Variants in SLC30A1 observed in about 807,000 individuals in gnomAD.
SLC30A1 encodes proton-coupled zinc antiporter SLC30A1.
Under a neutral mutation model 29.8 loss-of-function variants are expected in SLC30A1, and 7 were observed. The observed-to-expected ratio is 0.23, with a 90% CI of 0.13 to 0.44. SLC30A1 has a LOEUF of 0.44. SLC30A1 is among the 20% of genes least tolerant of loss of function. The pLI is 1.00. For synonymous variants in SLC30A1, 254 were observed against 253.5 expected (o/e 1.00, Z -0.02); for missense variants, 446 against 647.9 (o/e 0.69, Z 3.38).
Position 211,575,193 on chromosome 1 carries a change from C to G in SLC30A1, c.*195G>C, listed in dbSNP as rs910903525. 3.6e-6 allele frequency: 2 copies of G among 555,694 alleles called. No individual in the cohort carries two copies. Among genetic ancestry groups the G allele is most frequent in the East Asian group, 5.9e-5 (2 of 33,662 alleles). 34.4% of individuals were successfully genotyped at this position (555,694 alleles called of 1,614,324 possible). A position where few individuals can be genotyped will look rare whatever the true frequency, so the allele number is the denominator to read the frequency against. On this transcript the variant is annotated 3_prime_UTR_variant, in exon 2 of 2. Coordinates refer to ENST00000367001, the MANE Select transcript of SLC30A1 (RefSeq NM_021194.3). This position sits in a 1 kb window ranked among gnomAD's most constrained non-coding sequence, Gnocchi z 6.0. ...CCAAAACAGTCACAGCATAGCTGTACTCTGTACTAATAATCACAAAATTGT... is the reference window on the plus strand; with the variant it reads ...CCAAAACAGTCACAGCATAGCTGTAGTCTGTACTAATAATCACAAAATTGT...
At position 211,575,935 on chromosome 1, in the gene SLC30A1, C is replaced by A. The variant is rs1378859250; in HGVS notation, c.977G>T (p.Cys326Phe). The A allele has an allele frequency of 6.2e-7, 1 of 1,612,848 alleles. No homozygotes were observed. The highest frequency in any genetic ancestry group is 8.5e-7 in the Non-Finnish European group (1 of 1,179,354). Reference sequence around the variant, plus strand: ...TGGATAGGTTGTGTAAAGAAGTATACAAACCATTACAACACAAAGAGTTGG... The same window carrying A: ...TGGATAGGTTGTGTAAAGAAGTATAAAAACCATTACAACACAAAGAGTTGG... ...LDPTLCVVMV[C>F]ILLYTTYPLL... The change falls in exon 2 of 2, where the codon TGT becomes TTT. Residue 326 changes from cysteine (C) to phenylalanine (F), a missense_variant. Cys to Phe is a radical substitution (Grantham distance 205). Transcript: ENST00000367001. This position sits in a 1 kb window ranked among gnomAD's most constrained non-coding sequence, Gnocchi z 6.0.
Position 211,578,187 on chromosome 1 carries a change from C to G in SLC30A1, c.426G>C (p.Gln142His). The change falls in exon 1 of 2, where the codon CAG becomes CAC. Residue 142 changes from glutamine to histidine, a missense_variant. By Grantham distance (24) the Gln-to-His change is conservative. This residue lies in a region of SLC30A1 where 159 missense variants were observed against 161.1 expected (regional missense o/e 0.99). Transcript: ENST00000367001. The part of the protein sequence containing the change: ...CLFHHHSGFS[Q>H]DSGHGHSHGG... ...CGTGCGAGTGGCCGTGGCCGGAGTC[C>G]TGGCTGAAGCCGCTGTGATGGTGGA... 6.2e-7 allele frequency: 1 copy of G among 1,609,924 alleles called. No individual in the cohort carries two copies. The highest frequency in any genetic ancestry group is 1.3e-5 in the African/African-American group (1 of 75,022).
Position 211,578,256 on chromosome 1 carries a change from G to A in SLC30A1, c.357C>T (p.Val119=). 6.2e-7 allele frequency: 1 copy of A among 1,612,220 alleles called. No individual in the cohort carries two copies. The highest frequency in any genetic ancestry group is 8.5e-7 in the Non-Finnish European group (1 of 1,179,524). ...EMQQPLVVLG[V]GVAGLLVNVL... ...CGTTGACCAGCAGCCCGGCCACGCC[G>A]ACCCCAAGGACCACCAGCGGCTGCT... The change falls in exon 1 of 2, where the codon GTC becomes GTT. Residue 119 remains valine, a synonymous_variant. Coordinates refer to ENST00000367001, the MANE Select transcript of SLC30A1 (RefSeq NM_021194.3).
chr1:211,578,162 C>A lies in SLC30A1; in HGVS notation c.451G>T (p.Gly151Trp), dbSNP rs777691030. The A allele has an allele frequency of 1.2e-6, 2 of 1,608,478 alleles. No homozygotes were observed. The highest frequency in any genetic ancestry group is 2.2e-5 in the South Asian group (2 of 90,448). ...AGGCCGTGGCCGTGGCCGTGACCCC[C>A]GTGCGAGTGGCCGTGGCCGGAGTCC... ...SQDSGHGHSH[G>W]GHGHGHGLPK... is the part of the protein sequence containing the mutation. Residue 151 changes from glycine (G) to tryptophan (W), a missense_variant, in exon 1 of 2, where the codon GGG (glycine) becomes TGG (tryptophan). By Grantham distance (184) the Gly-to-Trp change is radical. Transcript: ENST00000367001.
rs766902379 is a variant in SLC30A1 at position 211,578,241 on chromosome 1, C to A, written c.372G>T (p.Leu124=). The A allele has an allele frequency of 1.9e-6, 3 of 1,611,950 alleles. No individual in the cohort carries two copies. In the South Asian group the frequency reaches 3.3e-5, roughly 18 times the overall value. Residue 124 remains leucine (L), a synonymous_variant, in exon 1 of 2, where the codon CTG becomes CTT. Transcript: ENST00000367001. ...GGCAGAGCCCCAGCACGTTGACCAGCAGCCCGGCCACGCCGACCCCAAGGA... is the reference window on the plus strand; with the variant it reads ...GGCAGAGCCCCAGCACGTTGACCAGAAGCCCGGCCACGCCGACCCCAAGGA... ...LVVLGVGVAG[L]LVNVLGLCLF... is the part of the protein sequence containing the mutation.
rs373955261 is a variant in SLC30A1, at chr1:211,578,086, T to A, written c.527A>T (p.Asn176Ile). 8.1e-6 allele frequency: 13 copies of A among 1,612,112 alleles called. No individual in the cohort carries two copies. In the Admixed American group the frequency reaches 2.0e-4, roughly 25 times the overall value. The change falls in exon 1 of 2, where the codon AAC becomes ATC. Residue 176 changes from asparagine to isoleucine, a missense_variant. Physicochemically the swap from Asn to Ile is moderately radical, Grantham distance 149. Coordinates refer to ENST00000367001, the MANE Select transcript of SLC30A1 (RefSeq NM_021194.3). ...KSTRPGSSDI[N>I]VAPGEQGPDQ... ...GGGACCCTGCTCGCCCGGGGCCACG[T>A]TGATGTCGCTGCTCCCGGGGCGGGT...
rs747408371 is a variant in SLC30A1 at position 211,577,947 on chromosome 1, C to A, written c.622+44G>T. 2 of 1,607,644 alleles carry A rather than the reference C, an allele frequency of 1.2e-6. No homozygotes were observed. Among genetic ancestry groups the A allele is most frequent in the East Asian group, 2.2e-5 (1 of 44,806 alleles). ...GCCGAAGGCCAGGCGAGGCTCTGGG[C>A]ACCCCAAACCCAACCACCTGCGGCA... On this transcript the variant is annotated intron_variant, in intron 1 of 1. Coordinates refer to ENST00000367001, the MANE Select transcript of SLC30A1 (RefSeq NM_021194.3). This position sits in a 1 kb window ranked among gnomAD's most constrained non-coding sequence, Gnocchi z 4.5.
rs1341547889 is a variant in SLC30A1, at chr1:211,578,115, C to A, written c.498G>T (p.Lys166Asn). Reference protein sequence around the residue: ...GHGLPKGPRVKSTRPGSSDIN... With the variant: ...GHGLPKGPRVNSTRPGSSDIN... Reference sequence around the variant, plus strand: ...TGTCGCTGCTCCCGGGGCGGGTGCTCTTAACGCGAGGCCCCTTGGGGAGGC... The same window carrying A: ...TGTCGCTGCTCCCGGGGCGGGTGCTATTAACGCGAGGCCCCTTGGGGAGGC... The change falls in exon 1 of 2, where the codon AAG becomes AAT. Residue 166 changes from lysine to asparagine, a missense_variant. Physicochemically the swap from Lys to Asn is moderately conservative, Grantham distance 94 (BLOSUM62 0). Transcript: ENST00000367001. 1.2e-6 allele frequency: 2 copies of A among 1,609,894 alleles called. No homozygotes were observed. Among genetic ancestry groups the A allele is most frequent in the Admixed American group, 1.7e-5 (1 of 59,658 alleles).
In SLC30A1 at chr1:211,578,098, C is replaced by T. The variant is rs1427381243; in HGVS notation, c.515G>A (p.Ser172Asn). The T allele has an allele frequency of 6.2e-7, 1 of 1,611,458 alleles. No homozygotes were observed. Among genetic ancestry groups the T allele is most frequent in the Admixed American group, 1.7e-5 (1 of 59,862 alleles). The change falls in exon 1 of 2, where the codon AGC (serine) becomes AAC (asparagine). Residue 172 changes from serine (S) to asparagine (N), a missense_variant. Ser to Asn is a conservative substitution (Grantham distance 46, BLOSUM62 1). This residue lies in a region of SLC30A1 where 159 missense variants were observed against 161.1 expected (regional missense o/e 0.99). Transcript: ENST00000367001. ...GCCCGGGGCCACGTTGATGTCGCTG[C>T]TCCCGGGGCGGGTGCTCTTAACGCG... ...GPRVKSTRPGSSDINVAPGEQ... is the reference protein window; with the variant it reads ...GPRVKSTRPGNSDINVAPGEQ...
rs1706733538 is a variant in SLC30A1 at position 211,577,475 on chromosome 1, G to T, written c.622+516C>A. ...AGAAACCTTTAACCAGGGTTTACAC[G>T]CTCTGAATGCATATTATGAAACGGA... On this transcript the variant is annotated intron_variant, in intron 1 of 1. Coordinates refer to ENST00000367001, the MANE Select transcript of SLC30A1 (RefSeq NM_021194.3). This position sits in a 1 kb window ranked among gnomAD's most constrained non-coding sequence, Gnocchi z 4.5. 1.3e-5 allele frequency among the ~76,000 whole-genome samples: 2 copies of T among 152,126 alleles called. No individual in the cohort carries two copies. Among genetic ancestry groups the T allele is most frequent in the South Asian group, 4.1e-4 (2 of 4,828 alleles).
chr1:211,575,857 T>A lies in SLC30A1; in HGVS notation c.1055A>T (p.Asp352Val). ...ILLQTVPKQI[D>V]IRNLIKELRN... ...AAGTTCTTTTATCAAATTTCTGATA[T>A]CAATTTGTTTAGGAACAGTTTGTAG... The change falls in exon 2 of 2, where the codon GAT becomes GTT. Residue 352 changes from aspartate to valine, a missense_variant. Coordinates refer to ENST00000367001, the MANE Select transcript of SLC30A1 (RefSeq NM_021194.3). The surrounding 1 kb of genome is among the most constrained non-coding windows in gnomAD (Gnocchi z 6.0). 1 of 1,613,116 alleles carries A rather than the reference T, an allele frequency of 6.2e-7. No individual in the cohort carries two copies. The highest frequency in any genetic ancestry group is 8.5e-7 in the Non-Finnish European group (1 of 1,179,212).
chr1:211,577,102 A>C lies in SLC30A1; in HGVS notation c.623-813T>G, dbSNP rs1706728135. Among the ~76,000 whole-genome samples the C allele has an allele frequency of 6.6e-6, 1 of 152,202 alleles. No individual in the cohort carries two copies. The highest frequency in any genetic ancestry group is 1.5e-5 in the Non-Finnish European group (1 of 68,036). On this transcript the variant is annotated intron_variant, in intron 1 of 1. Transcript: ENST00000367001. This position sits in a 1 kb window ranked among gnomAD's most constrained non-coding sequence, Gnocchi z 4.5. Reference sequence around the variant, plus strand: ...ACTAACTTCATATTCTGCACTCGAAAAGGAAAATTATGTAGCATAATTTAT... The same window carrying C: ...ACTAACTTCATATTCTGCACTCGAACAGGAAAATTATGTAGCATAATTTAT...
In SLC30A1 at chr1:211,575,735, G is replaced by T; in HGVS notation, c.1177C>A (p.Pro393Thr). 2.5e-6 allele frequency: 4 copies of T among 1,614,074 alleles called. No homozygotes were observed. The highest frequency in any genetic ancestry group is 3.4e-6 in the Non-Finnish European group (4 of 1,179,960). Residue 393 changes from proline to threonine, a missense_variant, in exon 2 of 2, where the codon CCA (proline) becomes ACA (threonine). This residue lies in a region of SLC30A1 where 187 missense variants were observed against 312.7 expected (regional missense o/e 0.60). Transcript: ENST00000367001. The surrounding 1 kb of genome is among the most constrained non-coding windows in gnomAD (Gnocchi z 6.0). Reference protein sequence around the residue: ...IATAHIKCEDPTSYMEVAKTI... With the variant: ...IATAHIKCEDTTSYMEVAKTI... The stretch of plus-strand genomic sequence containing the variant: ...TTAGCCACCTCCATGTATGATGTTG[G>T]ATCTTCACATTTTATGTGAGCAGTG...
Position 211,578,507 on chromosome 1 carries a change from C to G in SLC30A1, c.106G>C (p.Ala36Pro). 1 of 1,611,768 alleles carries G rather than the reference C, an allele frequency of 6.2e-7. No homozygotes were observed. ...VVVSRVTSSL[A>P]MLSDSFHMLS... ...ATGTGGAAGGAGTCGGAGAGCATCG[C>G]CAGCGACGAGGTCACCCGGCTCACC... Residue 36 changes from alanine (A) to proline (P), a missense_variant, in exon 1 of 2, where the codon GCG (alanine) becomes CCG (proline). By Grantham distance (27) the Ala-to-Pro change is conservative. Transcript: ENST00000367001.
chr1:211,578,589 C>G lies in SLC30A1; in HGVS notation c.24G>C (p.Arg8=). Residue 8 remains arginine (R), a synonymous_variant, in exon 1 of 2, where the codon CGG becomes CGC. Transcript: ENST00000367001. ...GCGCCAGCATGCACAGCAGCCGGCC[C>G]CGGTTCCGACCCCAACACCCCATGG... The part of the protein sequence containing the change: MGCWGRN[R]GRLLCMLALT... 6.2e-7 allele frequency: 1 copy of G among 1,600,012 alleles called. No homozygotes were observed.
In SLC30A1 at chr1:211,577,871, G is replaced by C; in HGVS notation, c.622+120C>G. On this transcript the variant is annotated intron_variant, in intron 1 of 1. Transcript: ENST00000367001. The surrounding 1 kb of genome is among the most constrained non-coding windows in gnomAD (Gnocchi z 4.5). The stretch of plus-strand genomic sequence containing the variant: ...GCAGGACGGGGAGGGAGCAGGCAGG[G>C]GCGGCGCGGCGCAGGCCCGCTCGGG... The C allele has an allele frequency of 7.5e-7, 1 of 1,332,054 alleles. No individual in the cohort carries two copies. The highest frequency in any genetic ancestry group is 1.0e-6 in the Non-Finnish European group (1 of 991,298). 82.5% of individuals were successfully genotyped at this position (1,332,054 alleles called of 1,614,324 possible).
At chr1:211,576,531 C>T (rs1706720481) in intron 1 of SLC30A1, among the ~76,000 whole-genome samples, 1 of 152,164 alleles carries the variant, frequency 6.6e-6, no homozygotes, top group African/African-American at 2.4e-5. Context: ...CTCCTGCCTC[C>T]TCCTCTCCAA....
chr1:211,573,807 T>G lies in SLC30A1; in HGVS notation c.*1581A>C, dbSNP rs1706684948. The G allele has an allele frequency of 6.6e-6, 1 of 152,300 alleles. No individual in the cohort carries two copies. The highest frequency in any genetic ancestry group is 2.1e-4 in the South Asian group (1 of 4,836). The allele number at this position is 152,300 out of a possible 1,614,324, so 9.4% of individuals were successfully genotyped here. ...GAACTTACAAACTGTGTTCCTAAAA[T>G]TACCATATTTTCACTGGAAAAAATC... On this transcript the variant is annotated 3_prime_UTR_variant, in exon 2 of 2. Transcript: ENST00000367001.
intron 1 of SLC30A1, 55 bp from the exon 2 acceptor site, chr1:211,576,344 T>G: frequency 8.5e-7 from 1 of 1,174,416 alleles, no homozygotes; most frequent in Non-Finnish European, 1.2e-6. Flanking sequence ...TATATAAACA[T>G]CCTTGTCTAA....
Sources: gnomAD v4.1 joint callset for allele counts (sites outside exome capture counted in the v4.1 genomes callset) on GRCh38, gnomAD v4.1.1 for gene constraint, gnomAD v4.1.1 regional missense constraint, Gnocchi (gnomAD v3.1) non-coding constraint, MANE v1.5 for transcripts, NCBI Gene and HGNC (gene_info 2026-07-23, HGNC 2026-07-21) for gene names.